Variants in EIF3H observed in about 807,000 individuals in gnomAD.
EIF3H encodes the protein eIF-3-gamma.
In EIF3H, 26 loss-of-function variants were observed where a neutral mutation model predicts 44.2. The observed-to-expected ratio is 0.59, with a 90% CI of 0.43 to 0.82. EIF3H has a LOEUF of 0.82. EIF3H is among the 40% of genes least tolerant of loss of function. EIF3H has a pLI of 0.00. For missense variants in EIF3H, 359 were observed against 432.8 expected (o/e 0.83, Z 1.51); for synonymous variants, 166 against 151.9 (o/e 1.09, Z -0.68).
In EIF3H at chr8:116,762,555, C is replaced by T. The variant is rs952012236; in HGVS notation, c.-27+2960G>A. Among the ~76,000 whole-genome samples, 17 of 152,156 alleles carry T rather than the reference C, an allele frequency of 1.1e-4. 1 individual carries two copies. The highest frequency in any genetic ancestry group is 3.6e-4 in the African/African-American group (15 of 41,438). On this transcript the variant is annotated intron_variant, in intron 1 of 9. Transcript: ENST00000276682. The stretch of plus-strand genomic sequence containing the variant: ...CAAGCTAAGTTGACTTCCTTTAAGC[C>T]GGCTTCCCAGAATTCCATGCAACAC...
intron 2 of EIF3H, among the ~76,000 whole-genome samples, chr8:116,660,941 A>G (rs1813576583): frequency 6.6e-6 from 1 of 152,248 alleles, no homozygotes. Context: ...ACACAATATG[A>G]CAGCCGAAAA....
At chr8:116,648,768 A>C (rs2130775014) in intron 6 of EIF3H, 38 bp downstream of exon 6, 2 of 1,549,492 alleles carry the variant, frequency 1.3e-6, no homozygotes, top group Non-Finnish European at 8.7e-7. Context: ...CATGAAACTT[A>C]GAAATAGCTG....
At chr8:116,752,756 G>GAGAAA (rs1815375357) in intron 1 of EIF3H, among the ~76,000 whole-genome samples, 1 of 13,000 alleles carries the variant, frequency 7.7e-5, no homozygotes, top group African/African-American at 3.1e-4. Flanking sequence ...AAAGAAAGAG[G>GAGAAA]GAGGGAGGGA....
Position 116,755,811 on chromosome 8 carries a change from C to G in EIF3H, c.-14G>C. The G allele has an allele frequency of 6.2e-7, 1 of 1,612,344 alleles. No individual in the cohort carries two copies. Among genetic ancestry groups the G allele is most frequent in the Non-Finnish European group, 8.5e-7 (1 of 1,179,978 alleles). ...GCGGGACGCCATCTTTCCAAGCAGA[C>G]AGGAAGAAAGAGAAACGTGAGTTAC... On this transcript the variant is annotated 5_prime_UTR_variant, in exon 1 of 8. Transcript: ENST00000521861.
At chr8:116,678,125 G>T (rs1266430885) in intron 2 of EIF3H, among the ~76,000 whole-genome samples, 1 of 150,118 alleles carries the variant, frequency 6.7e-6, no homozygotes, top group Non-Finnish European at 1.5e-5. Flanking sequence ...GAGTGCCTGC[G>T]ATTGCAGGCG....
At chr8:116,723,799 C>T (rs904159126) in intron 2 of EIF3H, among the ~76,000 whole-genome samples, 5 of 152,074 alleles carry the variant, frequency 3.3e-5, no homozygotes, top group Non-Finnish European at 7.4e-5. Context: ...CACTCGTAAA[C>T]TGAAACTACA....
At chr8:116,755,495 G>A (rs1175815313) in intron 1 of EIF3H, among the ~76,000 whole-genome samples, 171 bp downstream of exon 1, 2 of 152,174 alleles carry the variant, frequency 1.3e-5, no homozygotes, top group Non-Finnish European at 2.9e-5. Flanking sequence ...ACAAGAGAAG[G>A]CTGTCGAAGC....
chr8:116,738,468 C>T (rs1426613686), intron 1 of EIF3H, among the ~76,000 whole-genome samples: 5 of 152,150 alleles, frequency 3.3e-5, no homozygotes, highest in African/African-American at 9.7e-5. Context: ...CACATATATA[C>T]AAATTGCCAG....
At chr8:116,711,988 A>G (rs553404260) in intron 2 of EIF3H, among the ~76,000 whole-genome samples, 2 of 130,218 alleles carry the variant, frequency 1.5e-5, no homozygotes, top group Admixed American at 1.5e-4. Context: ...TGGTTTGATG[A>G]ATAAACAACA....
intron 1 of EIF3H, among the ~76,000 whole-genome samples, chr8:116,763,272 A>G (rs1048226220): frequency 1.7e-4 from 26 of 152,210 alleles, no homozygotes; most frequent in African/African-American, 5.3e-4. Flanking sequence ...TCTCTACATA[A>G]ATATTAAATT....
upstream of EIF3H, chr8:116,755,841 A>G: frequency 2.5e-6 from 4 of 1,606,106 alleles, no homozygotes; most frequent in Non-Finnish European, 3.4e-6. Flanking sequence ...AGTTACCGGA[A>G]GCGGAAGTAC....
chr8:116,761,376 G>T (rs1033409257), intron 1 of EIF3H, among the ~76,000 whole-genome samples: 1 of 150,190 alleles, frequency 6.7e-6, no homozygotes, highest in African/African-American at 2.5e-5. Context: ...GCCAGGCGTG[G>T]TGGTGGGCAC....
chr8:116,750,225 A>G (rs1326003647), intron 1 of EIF3H, among the ~76,000 whole-genome samples: 2 of 152,426 alleles, frequency 1.3e-5, no homozygotes, highest in Admixed American at 1.3e-4. Flanking sequence ...TACAGATTCA[A>G]GTTAAACTAT....
At chr8:116,692,287 C>T (rs1464355338) in intron 2 of EIF3H, among the ~76,000 whole-genome samples, 1 of 152,238 alleles carries the variant, frequency 6.6e-6, no homozygotes, top group East Asian at 1.9e-4. Context: ...GAGAAAAGAA[C>T]CATTACCATT....
intron 2 of EIF3H, among the ~76,000 whole-genome samples, chr8:116,664,502 C>T (rs754587136): frequency 1.9e-4 from 29 of 152,210 alleles, no homozygotes; most frequent in Non-Finnish European, 3.7e-4. Flanking sequence ...GCATTCTTCT[C>T]ACCTTCAATT....
Position 116,682,779 on chromosome 8 carries a change from C to CT in EIF3H, c.290-23800dup, listed in dbSNP as rs2130846691. On this transcript the variant is annotated intron_variant, in intron 2 of 7. Coordinates refer to ENST00000521861, the MANE Select transcript of EIF3H (RefSeq NM_003756.3). ...AGTCTTACTTTCCAATTGCCTGTTA[C>CT]TTCTATTCAACAACCTAATCAAGAG... is the stretch of plus-strand genomic sequence containing the variant. Among the ~76,000 whole-genome samples, 2 of 152,272 alleles carry CT rather than the reference C, an allele frequency of 1.3e-5. 1 individual carries two copies. Among genetic ancestry groups the CT allele is most frequent in the South Asian group, 4.1e-4 (2 of 4,826 alleles).
intron 1 of EIF3H, among the ~76,000 whole-genome samples, chr8:116,730,341 T>G (rs1231911683): frequency 6.6e-6 from 1 of 152,202 alleles, no homozygotes; most frequent in African/African-American, 2.4e-5. Flanking sequence ...ACCTTTACTG[T>G]GAACTGCACA....
chr8:116,723,093 A>G (rs1814779459), intron 2 of EIF3H, among the ~76,000 whole-genome samples: 1 of 152,190 alleles, frequency 6.6e-6, no homozygotes. Context: ...CTAAACCAAG[A>G]ATATGATTTA....
At chr8:116,737,667 A>G (rs1815064063) in intron 1 of EIF3H, 1 of 152,980 alleles carries the variant, frequency 6.5e-6, no homozygotes, top group Non-Finnish European at 1.5e-5. Context: ...AAAAAAAATA[A>G]AAAATAAAAA....
Sources: allele counts gnomAD v4.1 joint callset (sites outside exome capture counted in the v4.1 genomes callset), GRCh38; gene constraint gnomAD v4.1.1; transcripts MANE v1.5; gene names NCBI Gene and HGNC (gene_info 2026-07-23, HGNC 2026-07-21).